Variants in TRPC7 observed in about 807,000 individuals in gnomAD.
TRPC7 encodes transient receptor potential cation channel subfamily C member 7.
A neutral mutation model predicts 90.1 loss-of-function variants in TRPC7; 42 were observed. That is an observed-to-expected ratio of 0.47 (90% CI 0.36 to 0.60). The LOEUF is 0.60. TRPC7 is among the 20% of genes least tolerant of loss of function. The pLI is 0.00. For missense variants in TRPC7, 955 were observed against 1,112.3 expected, an observed-to-expected ratio of 0.86 and a Z score of 2.01; for synonymous variants, 451 against 436.3, an observed-to-expected ratio of 1.03 and a Z score of -0.42.
chr5:136,337,821 C>T (rs1266179423), intron 2 of TRPC7, among the ~76,000 whole-genome samples: 1 of 152,126 alleles, frequency 6.6e-6, no homozygotes, highest in Non-Finnish European at 1.5e-5. Flanking sequence ...CTTGGTCCAG[C>T]ATTCCGAAAT....
At chr5:136,223,345 G>T (rs565272640) in intron 10 of TRPC7, among the ~76,000 whole-genome samples, 1 of 152,288 alleles carries the variant, frequency 6.6e-6, no homozygotes, top group African/African-American at 2.4e-5. Context: ...TAGGCGTGGT[G>T]GCTCATGCCT....
At chr5:136,364,569 C>A (rs1291059871) in intron 1 of TRPC7, among the ~76,000 whole-genome samples, 1 of 152,060 alleles carries the variant, frequency 6.6e-6, no homozygotes, top group Non-Finnish European at 1.5e-5. Flanking sequence ...CTGAGTCTAC[C>A]CTGAATCCAT....
chr5:136,241,028 C>G (rs530974053), intron 7 of TRPC7, among the ~76,000 whole-genome samples: 1 of 152,038 alleles, frequency 6.6e-6, no homozygotes, highest in Non-Finnish European at 1.5e-5. Context: ...TCTTAAGGAT[C>G]CTCTCCCTCA....
intron 3 of TRPC7, among the ~76,000 whole-genome samples, chr5:136,283,675 A>T (rs1035193901): frequency 2.0e-5 from 3 of 152,166 alleles, no homozygotes; most frequent in Non-Finnish European, 1.5e-5. Flanking sequence ...GGGTCTGAGG[A>T]CCACCTCATA....
At chr5:136,364,545 C>T (rs1760665319) in intron 1 of TRPC7, among the ~76,000 whole-genome samples, 1 of 152,134 alleles carries the variant, frequency 6.6e-6, no homozygotes, top group African/African-American at 2.4e-5. Flanking sequence ...CAGGGTCAAT[C>T]ATTATTGCCT....
chr5:136,300,374 T>A (rs552078775), intron 3 of TRPC7, among the ~76,000 whole-genome samples: 1 of 152,196 alleles, frequency 6.6e-6, no homozygotes, highest in African/African-American at 2.4e-5. Flanking sequence ...CCGAGACCCA[T>A]TGTGGAGCCC....
At chr5:136,287,185 T>A (rs1045993095) in intron 3 of TRPC7, among the ~76,000 whole-genome samples, 9 of 152,144 alleles carry the variant, frequency 5.9e-5, no homozygotes, top group African/African-American at 1.7e-4. Flanking sequence ...TGAATATTCA[T>A]CATAGAAGAA....
chr5:136,361,377 A>G (rs1051429179), intron 1 of TRPC7, among the ~76,000 whole-genome samples: 2 of 152,180 alleles, frequency 1.3e-5, no homozygotes, highest in African/African-American at 2.4e-5. Context: ...ACAAAACCAT[A>G]TATGAGAGGA....
chr5:136,340,275 AAGT>A (rs1269999060), intron 2 of TRPC7, among the ~76,000 whole-genome samples: 1 of 152,154 alleles, frequency 6.6e-6, no homozygotes, highest in Non-Finnish European at 1.5e-5. Context: ...GAACTTGTAG[AAGT>A]AGAGAGCAGA....
At chr5:136,335,249 T>A (rs1005292440) in intron 2 of TRPC7, among the ~76,000 whole-genome samples, 1 of 152,082 alleles carries the variant, frequency 6.6e-6, no homozygotes. Flanking sequence ...AACTCCCAAG[T>A]GGTCATCTAC....
chr5:136,220,498 G>A (rs1293002842), intron 10 of TRPC7, among the ~76,000 whole-genome samples: 1 of 152,110 alleles, frequency 6.6e-6, no homozygotes, highest in East Asian at 1.9e-4. Context: ...GTACCCTCAG[G>A]CTTATTAGGG....
At position 136,357,181 on chromosome 5, in the gene TRPC7, A is replaced by G. The variant is rs1260866087; in HGVS notation, c.207T>C (p.Leu69=). ...CCATGTAGTCCACACAGTTGAAGTT[A>G]AGGGTCTTGGACTCCTCCAGCATTT... ...VRKMLEESKT[L]NFNCVDYMGQ... The change falls in exon 2 of 12, where the codon CTT becomes CTC. Residue 69 remains leucine (L), a synonymous_variant. Coordinates refer to ENST00000513104, the MANE Select transcript of TRPC7 (RefSeq NM_020389.3). 1 of 1,613,788 alleles carries G rather than the reference A, an allele frequency of 6.2e-7. No individual in the cohort carries two copies. Among genetic ancestry groups the G allele is most frequent in the East Asian group, 2.2e-5 (1 of 44,848 alleles).
chr5:136,274,759 T>C lies in TRPC7; in HGVS notation c.1042A>G (p.Ile348Val). 1 of 1,610,196 alleles carries C rather than the reference T, an allele frequency of 6.2e-7. No individual in the cohort carries two copies. The highest frequency in any genetic ancestry group is 8.5e-7 in the Non-Finnish European group (1 of 1,178,344). The change falls in exon 4 of 12, where the codon ATC becomes GTC. Residue 348 changes from isoleucine to valine, a missense_variant. Physicochemically the swap from Ile to Val is conservative, Grantham distance 29. Coordinates refer to ENST00000513104, the MANE Select transcript of TRPC7 (RefSeq NM_020389.3). Reference sequence around the variant, plus strand: ...AAGACAGCCAGGAATTTCACAGCGATAGACTGTTGACGTAAGCCTGAGAGA... The same window carrying C: ...AAGACAGCCAGGAATTTCACAGCGACAGACTGTTGACGTAAGCCTGAGAGA... ...ENLSGLRQQS[I>V]AVKFLAVFGV...
chr5:136,239,588 A>T (rs1756092222), intron 7 of TRPC7, among the ~76,000 whole-genome samples: 2 of 152,230 alleles, frequency 1.3e-5, no homozygotes, highest in South Asian at 4.1e-4. Context: ...GATTCTGATG[A>T]GTTTTATGAC....
intron 8 of TRPC7, among the ~76,000 whole-genome samples, chr5:136,226,743 C>A (rs1755643124): frequency 6.6e-6 from 1 of 152,106 alleles, no homozygotes; most frequent in South Asian, 2.1e-4. Context: ...TAGCCCCATT[C>A]TAAAAAGTAA....
intron 3 of TRPC7, among the ~76,000 whole-genome samples, chr5:136,304,328 A>G (rs1461230746): frequency 1.3e-5 from 2 of 152,138 alleles, no homozygotes; most frequent in Non-Finnish European, 2.9e-5. Context: ...CTTTAAAAGG[A>G]TTAAAGCCTG....
At chr5:136,223,394 A>C (rs1052310281) in intron 10 of TRPC7, among the ~76,000 whole-genome samples, 30 of 152,148 alleles carry the variant, frequency 2.0e-4, no homozygotes, top group African/African-American at 7.2e-4. Flanking sequence ...CAGGTGGATC[A>C]CCTGAGGTCG....
At chr5:136,279,173 C>A (rs1757465052) in intron 3 of TRPC7, among the ~76,000 whole-genome samples, 1 of 152,198 alleles carries the variant, frequency 6.6e-6, no homozygotes, top group Non-Finnish European at 1.5e-5. Context: ...AAAATACTCT[C>A]TGCCACCTCT....
chr5:136,284,386 G>A (rs563615490), intron 3 of TRPC7, among the ~76,000 whole-genome samples: 1 of 152,296 alleles, frequency 6.6e-6, no homozygotes, highest in East Asian at 1.9e-4. Context: ...TTGAATGTTA[G>A]TTTTTATCAA....
Sources: gnomAD v4.1 joint callset for allele counts (sites outside exome capture counted in the v4.1 genomes callset) on GRCh38, gnomAD v4.1.1 for gene constraint, MANE v1.5 for transcripts, NCBI Gene and HGNC (gene_info 2026-07-23, HGNC 2026-07-21) for gene names.